Variants in NRXN1 observed in about 807,000 individuals in gnomAD.
The protein encoded by NRXN1 is neurexin 1.
NRXN1 carries 39 observed loss-of-function variants against 150.9 expected under a neutral mutation model. The observed-to-expected ratio is 0.26, with a 90% CI of 0.20 to 0.34. NRXN1 has a LOEUF of 0.34. Ranked by LOEUF, NRXN1 falls within the 10% of genes least tolerant of loss-of-function variation. The pLI is 1.00. For missense variants in NRXN1, 1,815 were observed against 1,949.9 expected, an observed-to-expected ratio of 0.93 and a Z score of 1.30; for synonymous variants, 924 against 757.0, an observed-to-expected ratio of 1.22 and a Z score of -3.62.
chr2:50,232,114 T>C (rs1002097173), intron 18 of NRXN1, among the ~76,000 whole-genome samples: 4 of 152,008 alleles, frequency 2.6e-5, no homozygotes, highest in East Asian at 1.9e-4. Context: ...GACAGAAAAA[T>C]ACCAAGAAAT....
intron 18 of NRXN1, among the ~76,000 whole-genome samples, chr2:50,202,258 C>T (rs1291531160): frequency 6.6e-6 from 1 of 152,092 alleles, no homozygotes; most frequent in African/African-American, 2.4e-5. Flanking sequence ...TGTAATCCCG[C>T]CACTTTTGGA....
intron 5 of NRXN1, among the ~76,000 whole-genome samples, chr2:50,816,889 G>A (rs565029801): frequency 2.0e-4 from 31 of 152,190 alleles, no homozygotes; most frequent in African/African-American, 7.0e-4. Context: ...AATGATTTAT[G>A]TATTTTAAGA....
At chr2:50,759,546 G>T (rs1392604884) in intron 5 of NRXN1, among the ~76,000 whole-genome samples, 1 of 151,818 alleles carries the variant, frequency 6.6e-6, no homozygotes, top group Non-Finnish European at 1.5e-5. Context: ...AATTTTATAA[G>T]ACTCCAATGA....
chr2:50,928,206 T>C (rs1329566671), intron 2 of NRXN1, among the ~76,000 whole-genome samples: 1 of 151,868 alleles, frequency 6.6e-6, no homozygotes, highest in African/African-American at 2.4e-5. Flanking sequence ...CTCAGAAAAT[T>C]TAGATTTAGA....
intron 8 of NRXN1, among the ~76,000 whole-genome samples, chr2:50,577,717 C>T (rs1671649913): frequency 6.6e-6 from 1 of 151,704 alleles, no homozygotes; most frequent in Non-Finnish European, 1.5e-5. Flanking sequence ...GAAACACACA[C>T]ACACACACAC....
intron 17 of NRXN1, among the ~76,000 whole-genome samples, chr2:50,259,110 G>A (rs909913053): frequency 6.6e-6 from 1 of 151,924 alleles, no homozygotes; most frequent in African/African-American, 2.4e-5. Flanking sequence ...CCCTAAAAGA[G>A]AGTCAGCCTG....
At chr2:50,984,373 G>T (rs1697347011) in intron 2 of NRXN1, among the ~76,000 whole-genome samples, 1 of 151,756 alleles carries the variant, frequency 6.6e-6, no homozygotes, top group South Asian at 2.1e-4. Context: ...AAAACAAAAA[G>T]AAGAATATAT....
At chr2:50,492,099 A>G (rs1382299383) in intron 15 of NRXN1, among the ~76,000 whole-genome samples, 4 of 152,230 alleles carry the variant, frequency 2.6e-5, no homozygotes, top group African/African-American at 9.6e-5. Flanking sequence ...ACAAGGAGGA[A>G]TCGCACCAAC....
intron 5 of NRXN1, among the ~76,000 whole-genome samples, chr2:50,820,463 G>A (rs185385399): frequency 2.0e-3 from 300 of 152,192 alleles, no homozygotes; most frequent in African/African-American, 7.1e-3. Flanking sequence ...TTGCTCAGCT[G>A]TACTGCTATG....
At chr2:50,057,802 G>A (rs1171874420) in intron 19 of NRXN1, among the ~76,000 whole-genome samples, 3 of 152,094 alleles carry the variant, frequency 2.0e-5, no homozygotes, top group Non-Finnish European at 4.4e-5. Context: ...TTGTAGCTAA[G>A]CCTCCCTTTG....
intron 2 of NRXN1, among the ~76,000 whole-genome samples, chr2:51,003,490 T>A (rs536923516): frequency 5.4e-4 from 82 of 152,136 alleles, no homozygotes; most frequent in South Asian, 2.1e-3. Context: ...TCACATTTAA[T>A]CATCAAAATA....
chr2:49,985,721 C>T (rs911144527), intron 21 of NRXN1, among the ~76,000 whole-genome samples: 2 of 152,182 alleles, frequency 1.3e-5, no homozygotes, highest in Non-Finnish European at 2.9e-5. Flanking sequence ...CTGGCTACAA[C>T]CTCATCTGCT....
At chr2:51,029,310 C>A (rs1018225361) in intron 1 of NRXN1, 116 bp from the exon 2 acceptor site, 1 of 152,192 alleles carries the variant, frequency 6.6e-6, no homozygotes. Flanking sequence ...AAAGAGTTAA[C>A]CTTCTTGTAT....
chr2:50,955,734 T>A (rs182567499), intron 2 of NRXN1, among the ~76,000 whole-genome samples: 135 of 152,298 alleles, frequency 8.9e-4, no homozygotes, highest in African/African-American at 3.2e-3. Context: ...TTTTTTACAT[T>A]TCCCAAGAAC....
intron 18 of NRXN1, among the ~76,000 whole-genome samples, chr2:50,209,972 A>T (rs2062894957): frequency 6.6e-6 from 1 of 152,016 alleles, no homozygotes; most frequent in South Asian, 2.1e-4. Context: ...TGTATTAGTG[A>T]TCTTATTAAT....
intron 21 of NRXN1, among the ~76,000 whole-genome samples, chr2:50,038,499 C>T (rs1314621726): frequency 1.3e-5 from 2 of 152,174 alleles, no homozygotes; most frequent in Non-Finnish European, 2.9e-5. Flanking sequence ...TGGCATCCTA[C>T]ACACACAGCT....
chr2:50,261,838 G>C (rs1014408020), intron 17 of NRXN1, among the ~76,000 whole-genome samples: 1 of 151,884 alleles, frequency 6.6e-6, no homozygotes, highest in Non-Finnish European at 1.5e-5. Context: ...AAATGTGGAA[G>C]TTCTCAACCT....
intron 21 of NRXN1, among the ~76,000 whole-genome samples, chr2:49,984,224 A>G (rs1488319830): frequency 6.6e-6 from 1 of 152,124 alleles, no homozygotes; most frequent in Non-Finnish European, 1.5e-5. Flanking sequence ...AGTATACCAT[A>G]AATGTAATTT....
At chr2:50,766,175 G>T (rs1386595505) in intron 5 of NRXN1, among the ~76,000 whole-genome samples, 2 of 152,004 alleles carry the variant, frequency 1.3e-5, no homozygotes, top group African/African-American at 4.8e-5. Flanking sequence ...AATCAGGGAG[G>T]AAGAGGAAAA....
Sources: allele counts gnomAD v4.1 joint callset (sites outside exome capture counted in the v4.1 genomes callset), GRCh38; gene constraint gnomAD v4.1.1; transcripts MANE v1.5; gene names NCBI Gene and HGNC (gene_info 2026-07-23, HGNC 2026-07-21).